The following ZBED4 variants were observed in gnomAD, a reference collection of about 807,000 sequenced individuals.
The protein encoded by ZBED4 is zinc finger BED-type containing 4, also known as zinc finger BED domain-containing protein 4.
A neutral mutation model predicts 15.5 loss-of-function variants in ZBED4; 4 were observed. The observed-to-expected ratio is 0.26, with a 90% CI of 0.13 to 0.59. The LOEUF (loss-of-function observed/expected upper bound fraction) is 0.59. Ranked by LOEUF, ZBED4 falls within the 20% of genes least tolerant of loss-of-function variation. ZBED4 has a pLI of 0.90. For missense variants in ZBED4, 1,323 were observed against 1,461.8 expected (o/e 0.91, Z 1.55); for synonymous variants, 692 against 608.5 (o/e 1.14, Z -2.02).
intron 1 of ZBED4, among the ~76,000 whole-genome samples, chr22:49,882,653 TC>T (rs1410442641): frequency 6.6e-6 from 1 of 152,240 alleles, no homozygotes; most frequent in Non-Finnish European, 1.5e-5. Context: ...AACGCCATGT[TC>T]CTTCACTTCC....
intron 1 of ZBED4, among the ~76,000 whole-genome samples, chr22:49,879,891 GCC>G (rs1215105903): frequency 2.0e-5 from 2 of 102,182 alleles, no homozygotes. Context: ...CAGTGTCTGG[GCC>G]TGTTTCTATT....
At chr22:49,870,079 C>T (rs768122279) in intron 1 of ZBED4, among the ~76,000 whole-genome samples, 2 of 152,114 alleles carry the variant, frequency 1.3e-5, no homozygotes, top group South Asian at 2.1e-4. Flanking sequence ...ATGTGGTATC[C>T]GGTTTTCTGT....
In ZBED4 at chr22:49,887,866, T is replaced by C. The variant is rs2060448444; in HGVS notation, c.*688T>C. On this transcript the variant is annotated 3_prime_UTR_variant, in exon 2 of 2. Transcript: ENST00000216268. ...AACTCAGAGATACCCCAGCTGTTTA[T>C]CATCAGCTCCTCTGAAATGTGATCC... 6.0e-6 allele frequency: 1 copy of C among 167,282 alleles called. No individual in the cohort carries two copies. Among genetic ancestry groups the C allele is most frequent in the Non-Finnish European group, 1.5e-5 (1 of 68,130 alleles). The allele number at this position is 167,282 out of a possible 1,614,324, so 10.4% of individuals were successfully genotyped here.
Position 49,885,963 on chromosome 22 carries a change from G to A in ZBED4, c.2301G>A (p.Ser767=), listed in dbSNP as rs201895167. The change falls in exon 2 of 2, where the codon TCG becomes TCA. Residue 767 remains serine (S), a synonymous_variant. Transcript: ENST00000216268. The part of the protein sequence containing the change: ...ARPRCDDHHC[S]ALLDVSQVDC... ...CGCGCTGTGACGACCACCACTGCTCGGCGCTGTTGGACGTGTCGCAGGTGG... is the reference window on the plus strand; with the variant it reads ...CGCGCTGTGACGACCACCACTGCTCAGCGCTGTTGGACGTGTCGCAGGTGG... The A allele has an allele frequency of 1.7e-5, 12 of 718,006 alleles. No individual in the cohort carries two copies. Among genetic ancestry groups the A allele is most frequent in the Admixed American group, 1.1e-4 (5 of 45,484 alleles). The allele number at this position is 718,006 out of a possible 1,614,324, so 44.5% of individuals were successfully genotyped here.
chr22:49,860,225 G>A (rs958298829), intron 1 of ZBED4, among the ~76,000 whole-genome samples: 3 of 152,272 alleles, frequency 2.0e-5, no homozygotes, highest in Admixed American at 6.5e-5. Flanking sequence ...CTTGAGCCTG[G>A]GAGGTTGAGG....
chr22:49,855,048 A>G (rs2060269054), intron 1 of ZBED4, among the ~76,000 whole-genome samples: 1 of 152,340 alleles, frequency 6.6e-6, no homozygotes, highest in South Asian at 2.1e-4. Context: ...ATTAATTGCA[A>G]TTACTAAACA....
Position 49,856,259 on chromosome 22 carries a change from G to C in ZBED4, c.-330+2270G>C, listed in dbSNP as rs551674206. 1.7e-4 allele frequency among the ~76,000 whole-genome samples: 26 copies of C among 152,344 alleles called. 1 individual carries two copies. Among genetic ancestry groups the C allele is most frequent in the African/African-American group, 6.3e-4 (26 of 41,582 alleles). The stretch of plus-strand genomic sequence containing the variant: ...GAGGTGCTTGCCTCTCTGCCTGCTG[G>C]GGCCATGGTGGTTTTCAAAGAAGGC... On this transcript the variant is annotated intron_variant, in intron 1 of 1. Transcript: ENST00000216268.
At chr22:49,869,346 C>A (rs1459479308) in intron 1 of ZBED4, among the ~76,000 whole-genome samples, 1 of 152,170 alleles carries the variant, frequency 6.6e-6, no homozygotes, top group Non-Finnish European at 1.5e-5. Flanking sequence ...TACCTCGTAC[C>A]CGCGTGGTGG....
chr22:49,856,301 A>T (rs918245442), intron 1 of ZBED4, among the ~76,000 whole-genome samples: 2 of 152,334 alleles, frequency 1.3e-5, no homozygotes, highest in African/African-American at 4.8e-5. Context: ...CGTAGGGAAC[A>T]TGGTGGTGGT....
At chr22:49,877,146 T>G (rs1158521085) in intron 1 of ZBED4, among the ~76,000 whole-genome samples, 1 of 152,212 alleles carries the variant, frequency 6.6e-6, no homozygotes, top group African/African-American at 2.4e-5. Context: ...GAGAAAAAGA[T>G]TAAGCTATTT....
chr22:49,855,507 A>G (rs2060271461), intron 1 of ZBED4, among the ~76,000 whole-genome samples: 1 of 152,148 alleles, frequency 6.6e-6, no homozygotes, highest in African/African-American at 2.4e-5. Context: ...CAGAAAGACT[A>G]AAAAAATTAC....
At chr22:49,853,829 G>C (rs1166716954), upstream of ZBED4, 1 of 144,644 alleles carries the variant, frequency 6.9e-6, no homozygotes, top group Non-Finnish European at 1.5e-5. Context: ...CGCCGCGCGG[G>C]GCCCTGGGAG....
At chr22:49,867,032 G>C (rs1427978748) in intron 1 of ZBED4, among the ~76,000 whole-genome samples, 1 of 152,144 alleles carries the variant, frequency 6.6e-6, no homozygotes, top group Non-Finnish European at 1.5e-5. Context: ...TTCTAACACA[G>C]GTATGTAGAG....
At chr22:49,869,466 G>A (rs966200892) in intron 1 of ZBED4, among the ~76,000 whole-genome samples, 1 of 152,192 alleles carries the variant, frequency 6.6e-6, no homozygotes, top group Non-Finnish European at 1.5e-5. Context: ...TTAGAGACAC[G>A]TTCTGTGTTT....
chr22:49,885,065 C>G lies in ZBED4; in HGVS notation c.1403C>G (p.Ala468Gly), dbSNP rs2060430277. Residue 468 changes from alanine to glycine, a missense_variant, in exon 2 of 2, where the codon GCC (alanine) becomes GGC (glycine). Physicochemically the swap from Ala to Gly is moderately conservative, Grantham distance 60. This residue lies in a region of ZBED4 where 429 missense variants were observed against 397.9 expected (regional missense o/e 1.08). Transcript: ENST00000216268. The part of the protein sequence containing the change: ...KSEVWHHFSL[A>G]PMDSLKAECR... ...GAGGTCTGGCATCACTTCTCCCTGG[C>G]CCCCATGGACAGCCTCAAGGCCGAG... 1 of 1,611,478 alleles carries G rather than the reference C, an allele frequency of 6.2e-7. No homozygotes were observed.
intron 1 of ZBED4, among the ~76,000 whole-genome samples, chr22:49,861,883 C>T (rs992251558): frequency 6.6e-6 from 1 of 152,144 alleles, no homozygotes; most frequent in African/African-American, 2.4e-5. Flanking sequence ...GTCTTCAGGT[C>T]TGTTCGTAGC....
intron 1 of ZBED4, among the ~76,000 whole-genome samples, chr22:49,878,501 G>T (rs1054759545): frequency 6.6e-6 from 1 of 152,164 alleles, no homozygotes; most frequent in Non-Finnish European, 1.5e-5. Flanking sequence ...GCACTTCATG[G>T]AGAAAGGATT....
In ZBED4 at chr22:49,890,047, TAAAA is replaced by T. The variant is rs1172553901; in HGVS notation, c.*2873_*2876del. ...GTGGAAATACTGAAGTAAAAGATGATAAAAAAATAAAAACTTTATTTCTTGGCTG... is the reference window on the plus strand; with the variant it reads ...GTGGAAATACTGAAGTAAAAGATGATAAATAAAAACTTTATTTCTTGGCTG... On this transcript the variant is annotated 3_prime_UTR_variant, in exon 2 of 2. Coordinates refer to ENST00000216268, the MANE Select transcript of ZBED4 (RefSeq NM_014838.3). The T allele has an allele frequency of 6.0e-6, 1 of 166,682 alleles. No individual in the cohort carries two copies. Among genetic ancestry groups the T allele is most frequent in the Non-Finnish European group, 1.5e-5 (1 of 68,108 alleles). The allele number at this position is 166,682 out of a possible 1,614,324, so 10.3% of individuals were successfully genotyped here.
In ZBED4 at chr22:49,889,381, A is replaced by G. The variant is rs1311759791; in HGVS notation, c.*2203A>G. ...GACCACAGGCCCACTGAAAGGGACA[A>G]ACAGGGCTGAAAATACTCACTGTTT... On this transcript the variant is annotated 3_prime_UTR_variant, in exon 2 of 2. Coordinates refer to ENST00000216268, the MANE Select transcript of ZBED4 (RefSeq NM_014838.3). The G allele has an allele frequency of 1.2e-5, 2 of 167,064 alleles. No homozygotes were observed. The highest frequency in any genetic ancestry group is 2.9e-5 in the Non-Finnish European group (2 of 68,128). 10.3% of individuals were successfully genotyped at this position (167,064 alleles called of 1,614,324 possible).
Sources: gnomAD v4.1 joint callset for allele counts (sites outside exome capture counted in the v4.1 genomes callset) on GRCh38, gnomAD v4.1.1 for gene constraint, gnomAD v4.1.1 regional missense constraint, MANE v1.5 for transcripts, NCBI Gene and HGNC (gene_info 2026-07-23, HGNC 2026-07-21) for gene names.